The following RNF216 variants were observed in gnomAD, a reference collection of about 807,000 sequenced individuals.
RNF216 encodes the protein E3 ubiquitin-protein ligase RNF216.
A neutral mutation model predicts 110.8 loss-of-function variants in RNF216; 72 were observed. That is an observed-to-expected ratio of 0.65 (90% CI 0.54 to 0.79). The LOEUF is 0.79. RNF216 is among the 30% of genes least tolerant of loss of function. RNF216 has a pLI of 0.00. For synonymous variants in RNF216, 495 were observed against 407.5 expected, an observed-to-expected ratio of 1.21 and a Z score of -2.59; for missense variants, 1,342 against 1,141.2, an observed-to-expected ratio of 1.18 and a Z score of -2.54.
chr7:5,759,635 T>TC (rs1554264395), intron 2 of RNF216, among the ~76,000 whole-genome samples: 19 of 120,194 alleles, frequency 1.6e-4, no homozygotes, highest in African/African-American at 2.3e-4. Context: ...TTTTTCTTCT[T>TC]TTTTTTTTTT....
At chr7:5,663,686 G>A (rs975459064) in intron 13 of RNF216, among the ~76,000 whole-genome samples, 1 of 150,852 alleles carries the variant, frequency 6.6e-6, no homozygotes, top group Non-Finnish European at 1.5e-5. Flanking sequence ...AGGTCACGAG[G>A]TCAGGAGTTC....
chr7:5,651,068 T>C (rs1788355972), intron 14 of RNF216, among the ~76,000 whole-genome samples: 1 of 152,238 alleles, frequency 6.6e-6, no homozygotes. Context: ...ATGTATATAA[T>C]TCCTGTATCA....
chr7:5,674,823 C>A (rs764908245), intron 13 of RNF216, among the ~76,000 whole-genome samples: 1 of 151,872 alleles, frequency 6.6e-6, no homozygotes, highest in African/African-American at 2.4e-5. Flanking sequence ...TGGCAAAACC[C>A]CATCTCTACT....
chr7:5,657,970 A>C (rs1788851490), intron 13 of RNF216, among the ~76,000 whole-genome samples: 1 of 152,256 alleles, frequency 6.6e-6, no homozygotes. Context: ...CTTGCCCTCA[A>C]GGAGTGCACT....
intron 8 of RNF216, among the ~76,000 whole-genome samples, chr7:5,722,368 T>TA (rs1793479316): frequency 4.4e-5 from 1 of 22,816 alleles, no homozygotes; most frequent in Non-Finnish European, 2.5e-4. Context: ...CTCATTCTCA[T>TA]GTTTTTTTTT....
intron 13 of RNF216, among the ~76,000 whole-genome samples, chr7:5,697,873 T>C (rs900859596): frequency 1.1e-4 from 16 of 152,138 alleles, no homozygotes; most frequent in Non-Finnish European, 2.9e-5. Flanking sequence ...GAACACGAGA[T>C]GTTTTTAGCA....
chr7:5,765,483 A>C (rs1301770207), intron 1 of RNF216, among the ~76,000 whole-genome samples: 1 of 151,796 alleles, frequency 6.6e-6, no homozygotes, highest in Non-Finnish European at 1.5e-5. Context: ...AAAAATAAAA[A>C]ATAAGGCATG....
intron 1 of RNF216, among the ~76,000 whole-genome samples, chr7:5,776,411 G>T (rs1165628703): frequency 6.8e-6 from 1 of 146,730 alleles, no homozygotes; most frequent in Non-Finnish European, 1.5e-5. Flanking sequence ...GTGAAACCCC[G>T]TCTCTACTTA....
intron 13 of RNF216, among the ~76,000 whole-genome samples, chr7:5,661,602 A>C (rs1789142016): frequency 6.6e-6 from 1 of 152,170 alleles, no homozygotes; most frequent in Admixed American, 6.5e-5. Flanking sequence ...CAGGAGTTTG[A>C]GACCAGCCTG....
At chr7:5,755,884 C>A (rs1027807396) in intron 2 of RNF216, among the ~76,000 whole-genome samples, 1 of 152,120 alleles carries the variant, frequency 6.6e-6, no homozygotes. Flanking sequence ...CAAATTGTAC[C>A]AATTTACACT....
intron 5 of RNF216, among the ~76,000 whole-genome samples, chr7:5,737,903 C>T (rs1449769414): frequency 6.6e-6 from 1 of 151,916 alleles, no homozygotes; most frequent in African/African-American, 2.4e-5. Flanking sequence ...GCCTGACCAA[C>T]ATGATGAAAC....
chr7:5,662,013 G>A (rs1789178160), intron 13 of RNF216, among the ~76,000 whole-genome samples: 1 of 152,198 alleles, frequency 6.6e-6, no homozygotes, highest in Non-Finnish European at 1.5e-5. Context: ...TATGAGACAA[G>A]CTGAGGTTAC....
At chr7:5,709,746 T>C (rs75999980) in intron 13 of RNF216, among the ~76,000 whole-genome samples, 1 of 8,808 alleles carries the variant, frequency 1.1e-4, no homozygotes, top group Non-Finnish European at 2.0e-3. Flanking sequence ...GCCCTCAGGC[T>C]TTTATTTTTT....
At chr7:5,683,551 T>G (rs147771826) in intron 13 of RNF216, among the ~76,000 whole-genome samples, 5 of 152,176 alleles carry the variant, frequency 3.3e-5, no homozygotes, top group African/African-American at 1.2e-4. Flanking sequence ...TCATCAGAAC[T>G]CTCTGAACAG....
At chr7:5,660,948 T>TTTTTTTTTG (rs1789089176) in intron 13 of RNF216, among the ~76,000 whole-genome samples, 1 of 131,592 alleles carries the variant, frequency 7.6e-6, no homozygotes, top group African/African-American at 3.2e-5. Flanking sequence ...CTTAGGTTTT[T>TTTTTTTTTG]TTTTTTTTTT....
At chr7:5,705,289 C>T (rs1792211171) in intron 13 of RNF216, among the ~76,000 whole-genome samples, 1 of 152,220 alleles carries the variant, frequency 6.6e-6, no homozygotes, top group Admixed American at 6.5e-5. Context: ...AGTAATCTCT[C>T]CTGAATCTTT....
At chr7:5,739,957 C>T (rs1297298420) in intron 4 of RNF216, among the ~76,000 whole-genome samples, 4 of 150,430 alleles carry the variant, frequency 2.7e-5, no homozygotes, top group African/African-American at 7.3e-5. Flanking sequence ...GAGCTGAGAT[C>T]GCACCACTGT....
Position 5,755,434 on chromosome 7 carries a change from C to T in RNF216, c.68-2455G>A, listed in dbSNP as rs75618025. On this transcript the variant is annotated intron_variant, in intron 2 of 16. Coordinates refer to ENST00000389902, the MANE Select transcript of RNF216 (RefSeq NM_207111.4). ...AAGCTCTATGAATTAATACAAAGGG[C>T]CATCTGTGTATAATCACCACCACAA... 3.4e-3 allele frequency among the ~76,000 whole-genome samples: 513 copies of T among 152,274 alleles called. 26 individuals carry two copies. The East Asian group carries it at 0.084, about 25-fold the overall frequency.
At chr7:5,646,622 G>C (rs1182814872) in intron 14 of RNF216, among the ~76,000 whole-genome samples, 1 of 151,910 alleles carries the variant, frequency 6.6e-6, no homozygotes, top group African/African-American at 2.4e-5. Flanking sequence ...GAACCTGGGA[G>C]GCGGAGGTTG....
Sources: allele counts gnomAD v4.1 joint callset (sites outside exome capture counted in the v4.1 genomes callset), GRCh38; gene constraint gnomAD v4.1.1; transcripts MANE v1.5; gene names NCBI Gene and HGNC (gene_info 2026-07-23, HGNC 2026-07-21).